Variants in CDH18 observed in about 807,000 individuals in gnomAD.
CDH18 encodes cadherin-18.
A neutral mutation model predicts 67.9 loss-of-function variants in CDH18; 31 were observed. The observed-to-expected ratio is 0.46, with a 90% CI of 0.34 to 0.62. CDH18 has a LOEUF of 0.62. Ranked by LOEUF, CDH18 falls within the 20% of genes least tolerant of loss-of-function variation. The pLI is 0.01. For missense variants in CDH18, 890 were observed against 975.5 expected (o/e 0.91, Z 1.17); for synonymous variants, 362 against 347.2 (o/e 1.04, Z -0.48).
intron 2 of CDH18, among the ~76,000 whole-genome samples, chr5:20,016,243 T>C (rs1375409808): frequency 6.6e-6 from 1 of 151,954 alleles, no homozygotes; most frequent in Non-Finnish European, 1.5e-5. Flanking sequence ...TTCTCACTTA[T>C]AAGGGGGAGC....
chr5:20,396,822 A>G (rs2150123673), intron 1 of CDH18, among the ~76,000 whole-genome samples: 1 of 152,314 alleles, frequency 6.6e-6, no homozygotes, highest in Non-Finnish European at 1.5e-5. Context: ...TTTGAATTAA[A>G]ATATGTTTTG....
chr5:20,349,086 A>T (rs1017037566), intron 1 of CDH18, among the ~76,000 whole-genome samples: 5 of 152,184 alleles, frequency 3.3e-5, no homozygotes, highest in African/African-American at 1.2e-4. Context: ...AATAGTTAAA[A>T]AGTTGATACT....
intron 5 of CDH18, among the ~76,000 whole-genome samples, chr5:19,638,377 C>G (rs576255610): frequency 6.6e-6 from 1 of 152,296 alleles, no homozygotes; most frequent in South Asian, 2.1e-4. Flanking sequence ...AATAGAACCA[C>G]AACTCCTAAT....
At chr5:20,134,412 T>C (rs1439784279) in intron 2 of CDH18, among the ~76,000 whole-genome samples, 1 of 152,214 alleles carries the variant, frequency 6.6e-6, no homozygotes, top group Non-Finnish European at 1.5e-5. Context: ...TCTAGTCTAC[T>C]TATTAAGCAG....
At chr5:20,101,354 C>T (rs1746449799) in intron 2 of CDH18, among the ~76,000 whole-genome samples, 1 of 152,170 alleles carries the variant, frequency 6.6e-6, no homozygotes, top group Non-Finnish European at 1.5e-5. Context: ...TTGACAGCAT[C>T]ATTCAGAAAA....
At chr5:20,517,142 A>G (rs1259472415) in intron 1 of CDH18, among the ~76,000 whole-genome samples, 1 of 151,908 alleles carries the variant, frequency 6.6e-6, no homozygotes, top group Non-Finnish European at 1.5e-5. Context: ...GGATTAGAAC[A>G]AAATCAGTCA....
At chr5:19,623,835 C>A (rs929891354) in intron 5 of CDH18, among the ~76,000 whole-genome samples, 7 of 142,840 alleles carry the variant, frequency 4.9e-5, no homozygotes, top group Non-Finnish European at 9.3e-5. Flanking sequence ...ATATAATTGA[C>A]AACATAGGTC....
chr5:19,769,056 A>G (rs942587418), intron 3 of CDH18, among the ~76,000 whole-genome samples: 8 of 152,000 alleles, frequency 5.3e-5, no homozygotes, highest in Non-Finnish European at 1.0e-4. Context: ...AAAAAAATAA[A>G]CAGCATATAA....
chr5:20,156,415 A>C (rs1751533122), intron 2 of CDH18, among the ~76,000 whole-genome samples: 1 of 152,134 alleles, frequency 6.6e-6, no homozygotes, highest in African/African-American at 2.4e-5. Flanking sequence ...AGAATGAAAT[A>C]ATGTTCTTTG....
intron 1 of CDH18, among the ~76,000 whole-genome samples, chr5:20,482,848 C>G (rs1478884524): frequency 6.6e-6 from 1 of 152,040 alleles, no homozygotes; most frequent in Non-Finnish European, 1.5e-5. Flanking sequence ...AAAGCCTCTC[C>G]TGCATGATCT....
At chr5:20,489,595 T>G (rs1464235491) in intron 1 of CDH18, among the ~76,000 whole-genome samples, 1 of 152,092 alleles carries the variant, frequency 6.6e-6, no homozygotes, top group Non-Finnish European at 1.5e-5. Flanking sequence ...GTTTGTAATA[T>G]ATTTAAATAT....
intron 1 of CDH18, among the ~76,000 whole-genome samples, chr5:20,371,006 C>T (rs1742950106): frequency 6.6e-6 from 1 of 150,588 alleles, no homozygotes; most frequent in Non-Finnish European, 1.5e-5. Context: ...CATTGCACTC[C>T]ACCCTGGGCG....
chr5:20,006,352 A>G (rs1736903024), intron 2 of CDH18, among the ~76,000 whole-genome samples: 1 of 151,918 alleles, frequency 6.6e-6, no homozygotes, highest in East Asian at 1.9e-4. Context: ...TAATAAAATT[A>G]TTTACAATAA....
chr5:20,359,330 T>C (rs940083908), intron 1 of CDH18, among the ~76,000 whole-genome samples: 2 of 152,160 alleles, frequency 1.3e-5, no homozygotes, highest in Non-Finnish European at 2.9e-5. Context: ...AAAATAAGAG[T>C]TGTTGCTAAT....
At chr5:19,832,231 G>A (rs577055022) in intron 3 of CDH18, among the ~76,000 whole-genome samples, 126 of 152,086 alleles carry the variant, frequency 8.3e-4, no homozygotes, top group African/African-American at 2.9e-3. Flanking sequence ...TAACAAAAAT[G>A]CACATGTGCC....
chr5:20,182,431 C>T lies in CDH18; in HGVS notation c.-518+73013G>A, dbSNP rs570176270. Among the ~76,000 whole-genome samples the T allele has an allele frequency of 2.6e-4, 40 of 151,498 alleles. 1 individual carries two copies. In the East Asian group the frequency reaches 7.1e-3, roughly 27 times the overall value. ...CAGCCTGACCAAAATGGAGAAACCC[C>T]GTCTCTACTAAAAATACAAAATTGG... On this transcript the variant is annotated intron_variant, in intron 2 of 14. Coordinates refer to the CDH18 transcript ENST00000507958.
intron 4 of CDH18, among the ~76,000 whole-genome samples, chr5:19,734,496 C>T (rs1335171302): frequency 2.0e-5 from 3 of 151,932 alleles, no homozygotes; most frequent in African/African-American, 4.8e-5. Flanking sequence ...CTTTTTTGAG[C>T]CATCCTCAGA....
chr5:20,366,158 AT>A (rs1179398678), intron 1 of CDH18, among the ~76,000 whole-genome samples: 1 of 152,166 alleles, frequency 6.6e-6, no homozygotes, highest in Non-Finnish European at 1.5e-5. Flanking sequence ...GTCACCTCAA[AT>A]TTATCATGTC....
intron 11 of CDH18, among the ~76,000 whole-genome samples, chr5:19,485,179 A>C (rs956740545): frequency 3.3e-5 from 5 of 152,162 alleles, no homozygotes; most frequent in Non-Finnish European, 4.4e-5. Context: ...ATCAGAAATA[A>C]ATAATCTAAT....
Sources: gnomAD v4.1 joint callset for allele counts (sites outside exome capture counted in the v4.1 genomes callset) on GRCh38, gnomAD v4.1.1 for gene constraint, MANE v1.5 for transcripts, NCBI Gene and HGNC (gene_info 2026-07-23, HGNC 2026-07-21) for gene names.